The following S1PR1 variants were observed in gnomAD, a reference collection of about 807,000 sequenced individuals.
S1PR1 encodes the protein sphingosine-1-phosphate receptor 1.
A neutral mutation model predicts 18.3 loss-of-function variants in S1PR1; 2 were observed. The observed-to-expected ratio is 0.11, with a 90% CI of 0.04 to 0.34. The LOEUF is 0.34. S1PR1 is among the 10% of genes least tolerant of loss of function. S1PR1 has a pLI of 1.00. For missense variants in S1PR1, 335 were observed against 493.8 expected, an observed-to-expected ratio of 0.68 and a Z score of 3.05; for synonymous variants, 222 against 211.2, an observed-to-expected ratio of 1.05 and a Z score of -0.44.
At position 101,238,998 on chromosome 1, in the gene S1PR1, G is replaced by C; in HGVS notation, c.14G>C (p.Ser5Thr). The C allele has an allele frequency of 1.9e-6, 3 of 1,613,290 alleles. No homozygotes were observed. In the East Asian group the frequency reaches 6.7e-5, roughly 36 times the overall value. Reference sequence around the variant, plus strand: ...AGGGTTGGCACCATGGGGCCCACCAGCGTCCCGCTGGTCAAGGCCCACCGC... The same window carrying C: ...AGGGTTGGCACCATGGGGCCCACCACCGTCCCGCTGGTCAAGGCCCACCGC... The part of the protein sequence containing the change: MGPT[S>T]VPLVKAHRSS... The change falls in exon 2 of 2, where the codon AGC (serine) becomes ACC (threonine). Residue 5 changes from serine to threonine, a missense_variant. Coordinates refer to ENST00000305352, the MANE Select transcript of S1PR1 (RefSeq NM_001400.5).
At position 101,241,286 on chromosome 1, in the gene S1PR1, C is replaced by T. The variant is rs1402256606; in HGVS notation, c.*1153C>T. On this transcript the variant is annotated 3_prime_UTR_variant, in exon 2 of 2. Coordinates refer to ENST00000305352, the MANE Select transcript of S1PR1 (RefSeq NM_001400.5). The stretch of plus-strand genomic sequence containing the variant: ...GCATTACTTTAACTGGTAGGGAACG[C>T]CAGAAACTTTTCAGTCCAGCTATTC... 6.0e-6 allele frequency: 1 copy of T among 167,084 alleles called. No individual in the cohort carries two copies. Among genetic ancestry groups the T allele is most frequent in the Non-Finnish European group, 1.5e-5 (1 of 68,086 alleles). The allele number at this position is 167,084 out of a possible 1,614,324, so 10.4% of individuals were successfully genotyped here.
chr1:101,238,996 C>G lies in S1PR1; in HGVS notation c.12C>G (p.Thr4=). The G allele has an allele frequency of 1.9e-6, 3 of 1,613,024 alleles. No homozygotes were observed. The stretch of plus-strand genomic sequence containing the variant: ...ACAGGGTTGGCACCATGGGGCCCAC[C>G]AGCGTCCCGCTGGTCAAGGCCCACC... MGP[T]SVPLVKAHRS... Residue 4 remains threonine, a synonymous_variant, in exon 2 of 2, where the codon ACC becomes ACG. Transcript: ENST00000305352.
In S1PR1 at chr1:101,239,449, C is replaced by T. The variant is rs777972285; in HGVS notation, c.465C>T (p.Ser155=). The change falls in exon 2 of 2, where the codon AGC becomes AGT. Residue 155 remains serine, a synonymous_variant. Transcript: ENST00000305352. This position sits in a 1 kb window ranked among gnomAD's most constrained non-coding sequence, Gnocchi z 6.3. ...TGAAAATGAAACTCCACAACGGGAG[C>T]AATAACTTCCGCCTCTTCCTGCTAA... The part of the protein sequence containing the change: ...TMLKMKLHNG[S]NNFRLFLLIS... 1.2e-6 allele frequency: 2 copies of T among 1,614,204 alleles called. No homozygotes were observed. The highest frequency in any genetic ancestry group is 1.7e-6 in the Non-Finnish European group (2 of 1,180,042).
In S1PR1 at chr1:101,238,953, C is replaced by T. The variant is rs767978022; in HGVS notation, c.-32C>T. On this transcript the variant is annotated 5_prime_UTR_variant, in exon 2 of 2. Coordinates refer to ENST00000305352, the MANE Select transcript of S1PR1 (RefSeq NM_001400.5). ...CTAGCGTTCGTCTGGAGTAGCGCCA[C>T]CCCGGCTTCCTGGGGACACAGGGTT... 1.7e-5 allele frequency: 27 copies of T among 1,583,200 alleles called. No homozygotes were observed. Among genetic ancestry groups the T allele is most frequent in the Middle Eastern group, 1.8e-4 (1 of 5,584 alleles).
At position 101,240,260 on chromosome 1, in the gene S1PR1, G is replaced by C. The variant is rs3765683; in HGVS notation, c.*127G>C. 5.1e-4 allele frequency: 500 copies of C among 989,900 alleles called. No homozygotes were observed. Among genetic ancestry groups the C allele is most frequent in the Non-Finnish European group, 7.1e-4 (474 of 663,502 alleles). 61.3% of individuals were successfully genotyped at this position (989,900 alleles called of 1,614,324 possible). On this transcript the variant is annotated 3_prime_UTR_variant, in exon 2 of 2. Transcript: ENST00000305352. ...GCTGCTGCAAGCCAGAGGGAGGAAG[G>C]GGGAGAATACGAACAGCCTGGTGGT...
Position 101,240,253 on chromosome 1 carries a change from G to T in S1PR1, c.*120G>T. 1 of 1,029,216 alleles carries T rather than the reference G, an allele frequency of 9.7e-7. No homozygotes were observed. The highest frequency in any genetic ancestry group is 1.4e-6 in the Non-Finnish European group (1 of 698,130). 63.8% of individuals were successfully genotyped at this position (1,029,216 alleles called of 1,614,324 possible). A position where few individuals can be genotyped will look rare whatever the true frequency, so the allele number is the denominator to read the frequency against. On this transcript the variant is annotated 3_prime_UTR_variant, in exon 2 of 2. Coordinates refer to ENST00000305352, the MANE Select transcript of S1PR1 (RefSeq NM_001400.5). Reference sequence around the variant, plus strand: ...GGGAGGAGCTGCTGCAAGCCAGAGGGAGGAAGGGGGAGAATACGAACAGCC... The same window carrying T: ...GGGAGGAGCTGCTGCAAGCCAGAGGTAGGAAGGGGGAGAATACGAACAGCC...
chr1:101,237,575 C>T (rs1268271226), intron 1 of S1PR1, among the ~76,000 whole-genome samples: 1 of 152,194 alleles, frequency 6.6e-6, no homozygotes, highest in East Asian at 1.9e-4. Context: ...TCTCTATTAC[C>T]TCATTTTATT....
At position 101,240,077 on chromosome 1, in the gene S1PR1, GAAGGGGACAACCCAGAGACC is replaced by G; in HGVS notation, c.1095_1114del (p.Glu365AspfsTer126). The G allele has an allele frequency of 6.2e-7, 1 of 1,613,450 alleles. No individual in the cohort carries two copies. The highest frequency in any genetic ancestry group is 8.5e-7 in the Non-Finnish European group (1 of 1,180,034). On this transcript the variant is annotated frameshift_variant, in exon 2 of 2. Coordinates refer to ENST00000305352, the MANE Select transcript of S1PR1 (RefSeq NM_001400.5). LOFTEE classifies it high-confidence loss of function. ...CAATTCCTCCCACCCCCAGAAAGAC[GAAGGGGACAACCCAGAGACC>G]ATTATGTCTTCTGGAAACGTCAACT...
In S1PR1 at chr1:101,239,897, G is replaced by A; in HGVS notation, c.913G>A (p.Gly305Ser). 1 of 1,613,816 alleles carries A rather than the reference G, an allele frequency of 6.2e-7. No homozygotes were observed. The highest frequency in any genetic ancestry group is 8.5e-7 in the Non-Finnish European group (1 of 1,180,014). ...CCTGGTGTTAGCTGTGCTCAACTCC[G>A]GCACCAACCCCATCATTTACACTCT... ...YFLVLAVLNS[G>S]TNPIIYTLTN... Residue 305 changes from glycine (G) to serine (S), a missense_variant, in exon 2 of 2, where the codon GGC (glycine) becomes AGC (serine). Coordinates refer to ENST00000305352, the MANE Select transcript of S1PR1 (RefSeq NM_001400.5). The surrounding 1 kb of genome is among the most constrained non-coding windows in gnomAD (Gnocchi z 6.3).
Position 101,240,676 on chromosome 1 carries a change from T to TG in S1PR1, c.*544dup, listed in dbSNP as rs1652862407. ...AGTTATCAGAGCTGGGGTTGTGGAA[T>TG]GATCGATCATCTATAGCAAATAGGC... is the stretch of plus-strand genomic sequence containing the variant. On this transcript the variant is annotated 3_prime_UTR_variant, in exon 2 of 2. Coordinates refer to ENST00000305352, the MANE Select transcript of S1PR1 (RefSeq NM_001400.5). The TG allele has an allele frequency of 5.8e-6, 1 of 172,264 alleles. No individual in the cohort carries two copies. The highest frequency in any genetic ancestry group is 1.4e-5 in the Non-Finnish European group (1 of 71,720). The allele number at this position is 172,264 out of a possible 1,614,324, so 10.7% of individuals were successfully genotyped here.
chr1:101,241,769 G>T (rs530586856), downstream of S1PR1, among the ~76,000 whole-genome samples: 31 of 152,274 alleles, frequency 2.0e-4, no homozygotes, highest in African/African-American at 7.2e-4. Flanking sequence ...TACCACATTG[G>T]CTAGTAAGTA....
In S1PR1 at chr1:101,237,032, A is replaced by G. The variant is rs3765684; in HGVS notation, c.-231A>G. The G allele has an allele frequency of 0.068, 10,296 of 152,292 alleles. 595 individuals carry two copies. Among genetic ancestry groups the G allele is most frequent in the East Asian group, 0.31 (1,634 of 5,216 alleles). 9.4% of individuals were successfully genotyped at this position (152,292 alleles called of 1,614,324 possible). On this transcript the variant is annotated 5_prime_UTR_variant, in exon 1 of 2. Coordinates refer to ENST00000305352, the MANE Select transcript of S1PR1 (RefSeq NM_001400.5). The stretch of plus-strand genomic sequence containing the variant: ...CACTACGCAGTCAGTCGGGGGCAGC[A>G]GCAAGATGCGAAGCGAGCCGTACAG...
At chr1:101,237,553 G>C (rs1405514574) in intron 1 of S1PR1, among the ~76,000 whole-genome samples, 2 of 152,154 alleles carry the variant, frequency 1.3e-5, no homozygotes, top group African/African-American at 2.4e-5. Flanking sequence ...GGAGTTGCTG[G>C]GATTGTTCTC....
At chr1:101,237,308 GA>G (rs1652718343) in intron 1 of S1PR1, among the ~76,000 whole-genome samples, 1 of 152,152 alleles carries the variant, frequency 6.6e-6, no homozygotes, top group South Asian at 2.1e-4. Flanking sequence ...ATGGAGTTCA[GA>G]AAAAAGGTTA....
Position 101,239,956 on chromosome 1 carries a change from G to A in S1PR1, c.972G>A (p.Arg324=), listed in dbSNP as rs557952959. 13 of 1,614,076 alleles carry A rather than the reference G, an allele frequency of 8.1e-6. No individual in the cohort carries two copies. In the South Asian group the frequency reaches 1.1e-4, roughly 14 times the overall value. Residue 324 remains arginine, a synonymous_variant, in exon 2 of 2, where the codon CGG becomes CGA. Transcript: ENST00000305352. This position sits in a 1 kb window ranked among gnomAD's most constrained non-coding sequence, Gnocchi z 6.3. ...AGGAGATGCGTCGGGCCTTCATCCG[G>A]ATCATGTCCTGCTGCAAGTGCCCGA... is the stretch of plus-strand genomic sequence containing the variant. ...TNKEMRRAFI[R]IMSCCKCPSG...
Position 101,241,104 on chromosome 1 carries a change from A to G in S1PR1, c.*971A>G, listed in dbSNP as rs199620913. ...GAATGTTGTGTGATTCATTTCAAGC[A>G]ACAACATGGTTGTATTTTGTTGTGT... is the stretch of plus-strand genomic sequence containing the variant. On this transcript the variant is annotated 3_prime_UTR_variant, in exon 2 of 2. Coordinates refer to ENST00000305352, the MANE Select transcript of S1PR1 (RefSeq NM_001400.5). The G allele has an allele frequency of 2.4e-5, 4 of 167,142 alleles. No individual in the cohort carries two copies. Among genetic ancestry groups the G allele is most frequent in the Non-Finnish European group, 5.9e-5 (4 of 68,124 alleles). The allele number at this position is 167,142 out of a possible 1,614,324, so 10.4% of individuals were successfully genotyped here.
At position 101,239,339 on chromosome 1, in the gene S1PR1, C is replaced by G; in HGVS notation, c.355C>G (p.Leu119Val). Residue 119 changes from leucine to valine, a missense_variant, in exon 2 of 2, where the codon CTG becomes GTG. Around this residue, in one of 3 missense-constraint regions of S1PR1, gnomAD observed 214 missense variants for 366.6 expected, o/e 0.58. Transcript: ENST00000305352. The surrounding 1 kb of genome is among the most constrained non-coding windows in gnomAD (Gnocchi z 6.3). ...CAAGCTCACTCCCGCCCAGTGGTTT[C>G]TGCGGGAAGGGAGTATGTTTGTGGC... ...TYKLTPAQWF[L>V]REGSMFVALS... 1 of 1,614,192 alleles carries G rather than the reference C, an allele frequency of 6.2e-7. No homozygotes were observed. The highest frequency in any genetic ancestry group is 1.6e-4 in the Middle Eastern group (1 of 6,062).
At chr1:101,238,525 CATCT>C (rs1425081094) in intron 1 of S1PR1, among the ~76,000 whole-genome samples, 1 of 146,742 alleles carries the variant, frequency 6.8e-6, no homozygotes, top group Non-Finnish European at 1.5e-5. Flanking sequence ...TCCTTTTCAT[CATCT>C]TTTTTTTTTT....
rs1481710660 is a variant in S1PR1 at position 101,240,128 on chromosome 1, T to A, written c.1144T>A (p.Ser382Thr). ...GTCTTCTGGAAACGTCAACTCTTCTTCCTAGAACTGGAAGCTGTCCACCCA... is the reference window on the plus strand; with the variant it reads ...GTCTTCTGGAAACGTCAACTCTTCTACCTAGAACTGGAAGCTGTCCACCCA... ...IMSSGNVNSSS is the reference protein window; with the variant it reads ...IMSSGNVNSST The change falls in exon 2 of 2, where the codon TCC becomes ACC. Residue 382 changes from serine (S) to threonine (T), a missense_variant. Coordinates refer to ENST00000305352, the MANE Select transcript of S1PR1 (RefSeq NM_001400.5). 2 of 1,612,916 alleles carry A rather than the reference T, an allele frequency of 1.2e-6. No individual in the cohort carries two copies. The highest frequency in any genetic ancestry group is 2.7e-5 in the African/African-American group (2 of 74,900).
Sources: allele counts gnomAD v4.1 joint callset (sites outside exome capture counted in the v4.1 genomes callset), GRCh38; gene constraint gnomAD v4.1.1; regional missense constraint gnomAD v4.1.1; non-coding constraint Gnocchi (gnomAD v3.1); transcripts MANE v1.5; gene names NCBI Gene and HGNC (gene_info 2026-07-23, HGNC 2026-07-21).